MTUS2: variants seen among roughly 807,000 people sequenced by gnomAD.
MTUS2 encodes microtubule-associated tumor suppressor candidate 2.
In MTUS2, 40 loss-of-function variants were observed where a neutral mutation model predicts 114.1. That is an observed-to-expected ratio of 0.35 (90% CI 0.27 to 0.46). The LOEUF (loss-of-function observed/expected upper bound fraction) is 0.46. Ranked by LOEUF, MTUS2 falls within the 20% of genes least tolerant of loss-of-function variation. The pLI is 1.00. For synonymous variants in MTUS2, 688 were observed against 672.0 expected, an observed-to-expected ratio of 1.02 and a Z score of -0.37; for missense variants, 1,679 against 1,705.4, an observed-to-expected ratio of 0.98 and a Z score of 0.27.
At chr13:29,033,244 C>G (rs1886907744) in intron 3 of MTUS2, among the ~76,000 whole-genome samples, 1 of 152,180 alleles carries the variant, frequency 6.6e-6, no homozygotes, top group Non-Finnish European at 1.5e-5. Context: ...TCAAACCTTC[C>G]TGGGAGCATC....
At chr13:29,196,569 A>G (rs565054958) in intron 5 of MTUS2, among the ~76,000 whole-genome samples, 3 of 152,028 alleles carry the variant, frequency 2.0e-5, no homozygotes, top group Admixed American at 6.6e-5. Context: ...CTCCAGAACT[A>G]TTTTCATCTT....
intron 9 of MTUS2, among the ~76,000 whole-genome samples, chr13:29,441,128 T>C (rs1877815089): frequency 6.6e-6 from 1 of 152,160 alleles, no homozygotes; most frequent in Admixed American, 6.5e-5. Flanking sequence ...CCAGACTTGC[T>C]AGTGTGTGAT....
At chr13:29,185,561 C>T (rs1894187674) in intron 5 of MTUS2, among the ~76,000 whole-genome samples, 1 of 152,050 alleles carries the variant, frequency 6.6e-6, no homozygotes, top group Non-Finnish European at 1.5e-5. Context: ...GCAAGGGATC[C>T]TCAGTAATGT....
chr13:28,944,474 A>G (rs1311398747), intron 2 of MTUS2, among the ~76,000 whole-genome samples: 1 of 152,224 alleles, frequency 6.6e-6, no homozygotes, highest in East Asian at 1.9e-4. Flanking sequence ...AGTGCTAGCT[A>G]GTAAGTCCCA....
chr13:29,438,468 G>A (rs1302107028), intron 8 of MTUS2, among the ~76,000 whole-genome samples: 1 of 152,136 alleles, frequency 6.6e-6, no homozygotes, highest in Non-Finnish European at 1.5e-5. Flanking sequence ...TCAGTGTCAG[G>A]TGCGGGCCAC....
intron 8 of MTUS2, among the ~76,000 whole-genome samples, chr13:29,435,671 G>A (rs1877351232): frequency 6.6e-6 from 1 of 152,240 alleles, no homozygotes; most frequent in African/African-American, 2.4e-5. Context: ...TGCAGTCACA[G>A]CTATTGACTC....
intron 3 of MTUS2, among the ~76,000 whole-genome samples, chr13:29,031,674 C>T (rs1460106602): frequency 6.6e-6 from 1 of 151,894 alleles, no homozygotes; most frequent in East Asian, 1.9e-4. Flanking sequence ...TATTCAAGGT[C>T]TGCTGATTTA....
At chr13:29,066,594 TC>T (rs1272545596) in intron 4 of MTUS2, among the ~76,000 whole-genome samples, 3 of 152,234 alleles carry the variant, frequency 2.0e-5, no homozygotes, top group Non-Finnish European at 4.4e-5. Flanking sequence ...AGGTGGCTAG[TC>T]CATGGGCTGT....
rs142728654 is a variant in MTUS2, at chr13:29,255,710, G to T, written c.2645-25994G>T. ...GCTGAGCTGTTGATCACAGCCTGGG[G>T]GGTGGGGGAGGGGGTGACTGAAAGG... On this transcript the variant is annotated intron_variant, in intron 5 of 15. Coordinates refer to ENST00000612955, the MANE Select transcript of MTUS2 (RefSeq NM_001033602.4). 1.6e-3 allele frequency among the ~76,000 whole-genome samples: 243 copies of T among 152,218 alleles called. 1 individual carries two copies. Among genetic ancestry groups the T allele is most frequent in the African/African-American group, 5.7e-3 (236 of 41,528 alleles).
intron 4 of MTUS2, among the ~76,000 whole-genome samples, chr13:29,052,869 A>G (rs1004907754): frequency 6.6e-6 from 1 of 152,096 alleles, no homozygotes; most frequent in African/African-American, 2.4e-5. Flanking sequence ...TAATTGAATC[A>G]TGGGGGTGGT....
At position 28,996,721 on chromosome 13, in the gene MTUS2, A is replaced by G. The variant is rs1885128060; in HGVS notation, c.-242-27736A>G. Reference sequence around the variant, plus strand: ...ATAGTATTTTCTGATGGTAGTTTGTATTTATGTGGTATTGGTGATGATATC... The same window carrying G: ...ATAGTATTTTCTGATGGTAGTTTGTGTTTATGTGGTATTGGTGATGATATC... On this transcript the variant is annotated intron_variant, in intron 2 of 15. Coordinates refer to ENST00000612955, the MANE Select transcript of MTUS2 (RefSeq NM_001033602.4). 2.0e-5 allele frequency among the ~76,000 whole-genome samples: 3 copies of G among 152,118 alleles called. No individual in the cohort carries two copies. The South Asian group carries it at 6.2e-4, about 31-fold the overall frequency.
chr13:28,997,105 C>T (rs1885148335), intron 2 of MTUS2, among the ~76,000 whole-genome samples: 1 of 152,190 alleles, frequency 6.6e-6, no homozygotes. Flanking sequence ...TCTTTGTTCT[C>T]ATTAGTTTCA....
chr13:28,943,808 G>A (rs934912420), intron 2 of MTUS2, among the ~76,000 whole-genome samples: 3 of 152,174 alleles, frequency 2.0e-5, no homozygotes, highest in Non-Finnish European at 4.4e-5. Flanking sequence ...GGCACAGTGG[G>A]CCTGGGCTCT....
chr13:29,311,591 G>A (rs953608962), intron 6 of MTUS2, among the ~76,000 whole-genome samples: 1 of 152,068 alleles, frequency 6.6e-6, no homozygotes, highest in Non-Finnish European at 1.5e-5. Flanking sequence ...TATAAGAAAG[G>A]AAATAACTTA....
chr13:29,091,736 G>T (rs370131762), intron 4 of MTUS2, among the ~76,000 whole-genome samples: 3 of 152,182 alleles, frequency 2.0e-5, no homozygotes, highest in Non-Finnish European at 2.9e-5. Context: ...GCTTAAGAAA[G>T]CCCTACCCCA....
At chr13:29,461,503 A>G (rs1879493197) in intron 9 of MTUS2, among the ~76,000 whole-genome samples, 1 of 152,256 alleles carries the variant, frequency 6.6e-6, no homozygotes, top group South Asian at 2.1e-4. Context: ...TCACACATAT[A>G]CAGACAAAGT....
chr13:29,311,637 A>T (rs1899768042), intron 6 of MTUS2, among the ~76,000 whole-genome samples: 1 of 152,214 alleles, frequency 6.6e-6, no homozygotes, highest in Admixed American at 6.5e-5. Context: ...GCTGAGTCTC[A>T]ATCTGACATC....
chr13:28,884,030 C>T (rs1878445538), intron 2 of MTUS2, among the ~76,000 whole-genome samples: 1 of 152,124 alleles, frequency 6.6e-6, no homozygotes, highest in African/African-American at 2.4e-5. Context: ...AGCAGTTTCA[C>T]TTCTGGATAT....
At chr13:29,101,996 G>A (rs1039595411) in intron 5 of MTUS2, among the ~76,000 whole-genome samples, 1 of 152,144 alleles carries the variant, frequency 6.6e-6, no homozygotes, top group Non-Finnish European at 1.5e-5. Flanking sequence ...GTGTTTGTAA[G>A]CAGTTTCTAA....
Sources: gnomAD v4.1 joint callset for allele counts (sites outside exome capture counted in the v4.1 genomes callset) on GRCh38, gnomAD v4.1.1 for gene constraint, MANE v1.5 for transcripts, NCBI Gene and HGNC (gene_info 2026-07-23, HGNC 2026-07-21) for gene names.